The following SORBS2 variants were observed in gnomAD, a reference collection of about 807,000 sequenced individuals.
SORBS2 encodes the protein sorbin and SH3 domain containing 2.
A neutral mutation model predicts 97.7 loss-of-function variants in SORBS2; 46 were observed. The ratio of observed to expected loss-of-function variants is 0.47; its 90% CI spans 0.37 to 0.60. SORBS2 has a LOEUF of 0.60. SORBS2 is among the 20% of genes least tolerant of loss of function. The pLI is 0.00. For missense variants in SORBS2, 1,316 were observed against 1,282.3 expected (o/e 1.03, Z -0.40); for synonymous variants, 476 against 473.4 (o/e 1.01, Z -0.07).
At position 185,606,427 on chromosome 4, in the gene SORBS2, T is replaced by A. The variant is rs2096420109; in HGVS notation, c.2796+5353A>T. On this transcript the variant is annotated intron_variant, in intron 12 of 14. Coordinates refer to ENST00000418609, the Ensembl canonical transcript of SORBS2. This position sits in a 1 kb window ranked among gnomAD's most constrained non-coding sequence, Gnocchi z 4.3. ...CATCATTTAATTAAATATGGTGTGT[T>A]TTCATATACCCACTCCACCCCCATC... is the stretch of plus-strand genomic sequence containing the variant. 1 of 972,522 alleles carries A rather than the reference T, an allele frequency of 1.0e-6. No homozygotes were observed. Among genetic ancestry groups the A allele is most frequent in the South Asian group, 4.8e-5 (1 of 20,976 alleles). The allele number at this position is 972,522 out of a possible 1,614,324, so 60.2% of individuals were successfully genotyped here.
intron 4 of SORBS2, 58 bp downstream of exon 15, chr4:185,638,021 T>C: frequency 1.9e-6 from 2 of 1,056,646 alleles, no homozygotes; most frequent in Non-Finnish European, 3.0e-6. Context: ...TAATTGTATT[T>C]TAGAAATCAA....
At chr4:185,949,249 T>A (rs181841825) in intron 1 of SORBS2, among the ~76,000 whole-genome samples, 113 of 152,338 alleles carry the variant, frequency 7.4e-4, no homozygotes, top group African/African-American at 2.7e-3. Context: ...AGCAGGAGGC[T>A]GCTATGGTAG....
rs897826039 is a variant in SORBS2 at position 185,807,876 on chromosome 4, A to G, written c.-337-32510T>C. Among the ~76,000 whole-genome samples the G allele has an allele frequency of 1.6e-4, 25 of 152,240 alleles. No individual in the cohort carries two copies. In the East Asian group the frequency reaches 4.8e-3, roughly 29 times the overall value. On this transcript the variant is annotated intron_variant, in intron 1 of 20. Transcript: ENST00000284776. ...CAATCATATATCACAAGTCTTCTTTATAAAATACAAGTGCAACTCATTTCA... is the reference window on the plus strand; with the variant it reads ...CAATCATATATCACAAGTCTTCTTTGTAAAATACAAGTGCAACTCATTTCA...
At chr4:185,727,130 C>T (rs2098558755) in intron 2 of SORBS2, among the ~76,000 whole-genome samples, 1 of 152,184 alleles carries the variant, frequency 6.6e-6, no homozygotes, top group Non-Finnish European at 1.5e-5. Context: ...GTGCTCATCT[C>T]TTTGTATTGC....
chr4:185,589,911 GC>G (rs2095880628), intron 13 of SORBS2, 126 bp from the exon 26 acceptor site: 1 of 646,786 alleles, frequency 1.5e-6, no homozygotes, highest in Non-Finnish European at 2.8e-6. Flanking sequence ...GGTGGTACAA[GC>G]CTGGTAAGCA....
chr4:185,948,039 T>C (rs891863075), intron 1 of SORBS2, among the ~76,000 whole-genome samples: 1 of 152,214 alleles, frequency 6.6e-6, no homozygotes, highest in African/African-American at 2.4e-5. Context: ...CTTTTTTTAA[T>C]GTATTTTTGT....
intron 2 of SORBS2, among the ~76,000 whole-genome samples, chr4:185,679,665 T>C (rs1483340917): frequency 2.6e-5 from 4 of 152,350 alleles, no homozygotes; most frequent in Middle Eastern, 3.4e-3. Flanking sequence ...GCTTTAACTT[T>C]GGAGGTGATC....
At chr4:185,823,482 T>C (rs754064228) in intron 1 of SORBS2, among the ~76,000 whole-genome samples, 3 of 145,610 alleles carry the variant, frequency 2.1e-5, no homozygotes, top group Non-Finnish European at 4.5e-5. Context: ...TTGAGTTATG[T>C]ATAAATTTTC....
chr4:185,674,148 A>G (rs1031129349), intron 4 of SORBS2, among the ~76,000 whole-genome samples: 3 of 152,176 alleles, frequency 2.0e-5, no homozygotes, highest in African/African-American at 7.2e-5. Context: ...TCTTACATCC[A>G]AATGCTCACT....
chr4:185,888,524 G>A, intron 1 of SORBS2, among the ~76,000 whole-genome samples: 1 of 152,208 alleles, frequency 6.6e-6, no homozygotes, highest in African/African-American at 2.4e-5. Context: ...CTCCAGAAAT[G>A]TGTGAGAATA....
In SORBS2 at chr4:185,606,281, C is replaced by T; in HGVS notation, c.2796+5499G>A. On this transcript the variant is annotated intron_variant, in intron 12 of 14. Transcript: ENST00000418609. This position sits in a 1 kb window ranked among gnomAD's most constrained non-coding sequence, Gnocchi z 4.3. ...TGTCTGATACTCAGTAAGAGCTCCA[C>T]TATTAGCTATCATTGTTAATATTGG... The T allele has an allele frequency of 5.1e-6, 5 of 980,654 alleles. No homozygotes were observed. The highest frequency in any genetic ancestry group is 6.1e-6 in the Non-Finnish European group (5 of 825,752). 60.7% of individuals were successfully genotyped at this position (980,654 alleles called of 1,614,324 possible). A position where few individuals can be genotyped will look rare whatever the true frequency, so the allele number is the denominator to read the frequency against.
chr4:185,814,943 T>G (rs140382125), intron 1 of SORBS2, among the ~76,000 whole-genome samples: 1 of 152,356 alleles, frequency 6.6e-6, no homozygotes, highest in East Asian at 1.9e-4. Context: ...ACGTTTATTC[T>G]CCTTCCAAAC....
intron 1 of SORBS2, among the ~76,000 whole-genome samples, chr4:185,800,642 G>A (rs2099125826): frequency 6.6e-6 from 1 of 152,074 alleles, no homozygotes; most frequent in Admixed American, 6.6e-5. Flanking sequence ...CATGGGCTTA[G>A]CTCTTTCTTC....
chr4:185,599,138 A>G (rs149028917), intron 12 of SORBS2, among the ~76,000 whole-genome samples: 3 of 152,330 alleles, frequency 2.0e-5, no homozygotes, highest in East Asian at 3.9e-4. Flanking sequence ...AATAATATCG[A>G]CTTTTCTTTA....
intron 2 of SORBS2, among the ~76,000 whole-genome samples, chr4:185,760,520 G>C (rs139676041): frequency 6.6e-6 from 1 of 152,142 alleles, no homozygotes; most frequent in East Asian, 1.9e-4. Context: ...CTGAGATCGC[G>C]CCATTGCGCT....
chr4:185,845,918 A>G (rs145096616), intron 1 of SORBS2, among the ~76,000 whole-genome samples: 50 of 152,144 alleles, frequency 3.3e-4, no homozygotes, highest in African/African-American at 1.1e-3. Context: ...AAATGCTGAC[A>G]AGGATGTGGA....
At chr4:185,882,745 G>A (rs1397647577) in intron 1 of SORBS2, among the ~76,000 whole-genome samples, 9 of 152,100 alleles carry the variant, frequency 5.9e-5, no homozygotes, top group Non-Finnish European at 7.4e-5. Flanking sequence ...ATGAACACAG[G>A]CCAAAAGAAC....
intron 2 of SORBS2, among the ~76,000 whole-genome samples, chr4:185,733,171 A>G (rs1238676599): frequency 6.6e-6 from 1 of 152,262 alleles, no homozygotes; most frequent in Non-Finnish European, 1.5e-5. Context: ...CAGTGGCTCA[A>G]ACAGAGCCTC....
At chr4:185,856,970 C>A (rs2099220868) in intron 1 of SORBS2, among the ~76,000 whole-genome samples, 1 of 152,122 alleles carries the variant, frequency 6.6e-6, no homozygotes, top group Admixed American at 6.5e-5. Context: ...GAAACTGCCC[C>A]ATGATCTAAT....
Sources: allele counts gnomAD v4.1 joint callset (sites outside exome capture counted in the v4.1 genomes callset), GRCh38; gene constraint gnomAD v4.1.1; non-coding constraint Gnocchi (gnomAD v3.1); transcripts MANE v1.5; gene names NCBI Gene and HGNC (gene_info 2026-07-23, HGNC 2026-07-21).